ADAMTS20: variants seen among roughly 807,000 people sequenced by gnomAD.
The protein encoded by ADAMTS20 is A disintegrin and metalloproteinase with thrombospondin motifs 20.
A neutral mutation model predicts 260.1 loss-of-function variants in ADAMTS20; 225 were observed. The ratio of observed to expected loss-of-function variants is 0.87; its 90% CI spans 0.78 to 0.97. The LOEUF is 0.97. Among genes scored for constraint, ADAMTS20 ranks in the 50% least tolerant of loss-of-function variants. ADAMTS20 has a pLI of 0.00. For missense variants in ADAMTS20, 2,400 were observed against 2,337.7 expected, an observed-to-expected ratio of 1.03 and a Z score of -0.55; for synonymous variants, 802 against 769.5, an observed-to-expected ratio of 1.04 and a Z score of -0.70.
At chr12:43,429,427 C>A (rs890894497) in intron 24 of ADAMTS20, among the ~76,000 whole-genome samples, 190 bp downstream of exon 24, 1 of 152,108 alleles carries the variant, frequency 6.6e-6, no homozygotes, top group Non-Finnish European at 1.5e-5. Flanking sequence ...ATTTCTTGTC[C>A]AGAGACACAG....
chr12:43,398,927 AACTT>A (rs1263310723), intron 29 of ADAMTS20, 135 bp downstream of exon 29: 5 of 449,586 alleles, frequency 1.1e-5, no homozygotes, highest in African/African-American at 4.1e-5. Context: ...TATTAATACT[AACTT>A]ACAGCATAGT....
At chr12:43,394,801 C>T (rs75021646) in intron 29 of ADAMTS20, among the ~76,000 whole-genome samples, 3 of 152,066 alleles carry the variant, frequency 2.0e-5, no homozygotes, top group East Asian at 1.9e-4. Flanking sequence ...CAAATCCCTG[C>T]CCCCAACATT....
chr12:43,531,488 T>C (rs967443066), intron 3 of ADAMTS20, among the ~76,000 whole-genome samples: 3 of 152,134 alleles, frequency 2.0e-5, no homozygotes, highest in African/African-American at 7.2e-5. Context: ...AAATCTCTCA[T>C]GCATCCATAC....
chr12:43,532,286 G>A, intron 2 of ADAMTS20, 91 bp from the exon 3 acceptor site: 1 of 1,130,492 alleles, frequency 8.8e-7, no homozygotes, highest in Admixed American at 2.4e-5. Flanking sequence ...GCAGACAGAA[G>A]CAAAACAGCA....
intron 28 of ADAMTS20, among the ~76,000 whole-genome samples, chr12:43,402,754 C>T (rs1163998408): frequency 3.3e-5 from 5 of 152,044 alleles, no homozygotes; most frequent in South Asian, 2.1e-4. Flanking sequence ...CTGACACCAT[C>T]ATAGTCTTGA....
At chr12:43,380,322 T>C (rs1163085866) in intron 31 of ADAMTS20, among the ~76,000 whole-genome samples, 1 of 152,084 alleles carries the variant, frequency 6.6e-6, no homozygotes, top group Admixed American at 6.6e-5. Context: ...AGAAAATCCA[T>C]AGTTAGCATA....
At chr12:43,498,096 A>C (rs983120507) in intron 4 of ADAMTS20, among the ~76,000 whole-genome samples, 4 of 152,168 alleles carry the variant, frequency 2.6e-5, no homozygotes, top group African/African-American at 9.6e-5. Context: ...ATAACAGCTG[A>C]GTATCTCTGC....
chr12:43,386,832 C>T (rs1940489837), intron 29 of ADAMTS20, among the ~76,000 whole-genome samples: 1 of 152,164 alleles, frequency 6.6e-6, no homozygotes, highest in African/African-American at 2.4e-5. Context: ...TTTTTCAGCT[C>T]CATCAGGTCA....
chr12:43,513,063 A>G (rs1942947233), intron 3 of ADAMTS20, among the ~76,000 whole-genome samples: 1 of 152,202 alleles, frequency 6.6e-6, no homozygotes, highest in Non-Finnish European at 1.5e-5. Flanking sequence ...ATTTGGATAT[A>G]AAGGCTTTTG....
intron 3 of ADAMTS20, among the ~76,000 whole-genome samples, chr12:43,528,151 A>C (rs546821484): frequency 2.0e-5 from 3 of 151,940 alleles, no homozygotes; most frequent in Non-Finnish European, 4.4e-5. Flanking sequence ...GAAAGATCTC[A>C]ACAAGAACTA....
chr12:43,479,904 C>A (rs1942415997), intron 7 of ADAMTS20, among the ~76,000 whole-genome samples: 1 of 151,950 alleles, frequency 6.6e-6, no homozygotes, highest in African/African-American at 2.4e-5. Flanking sequence ...AACAATATTT[C>A]AGTGAATTGA....
intron 4 of ADAMTS20, among the ~76,000 whole-genome samples, chr12:43,501,481 G>GCGCGCGCACACACACACACACA (rs373746834): frequency 2.9e-4 from 34 of 117,850 alleles, no homozygotes; most frequent in East Asian, 1.1e-3. Context: ...GCGCGCGCGC[G>GCGCGCGCACACACACACACACA]CACACACACA....
In ADAMTS20 at chr12:43,449,588, C is replaced by T. The variant is rs560529725; in HGVS notation, c.2079+2686G>A. Among the ~76,000 whole-genome samples, 11 of 151,914 alleles carry T rather than the reference C, an allele frequency of 7.2e-5. No individual in the cohort carries two copies. The South Asian group carries it at 1.0e-3, about 14-fold the overall frequency. On this transcript the variant is annotated intron_variant, in intron 14 of 38. Transcript: ENST00000389420. ...ATCTGTACAACAAAACCCTGTTACA[C>T]GAGTTTACCTGTATAAAAAACTTGC...
chr12:43,487,076 T>G (rs1942532585), intron 7 of ADAMTS20, among the ~76,000 whole-genome samples: 1 of 152,172 alleles, frequency 6.6e-6, no homozygotes, highest in African/African-American at 2.4e-5. Flanking sequence ...CTACTGGGTA[T>G]TTACCCAAAG....
intron 2 of ADAMTS20, among the ~76,000 whole-genome samples, chr12:43,540,359 T>C (rs1487257094): frequency 6.6e-6 from 1 of 152,204 alleles, no homozygotes; most frequent in Non-Finnish European, 1.5e-5. Context: ...AAAAATGTTG[T>C]CTTTATAACT....
intron 10 of ADAMTS20, among the ~76,000 whole-genome samples, chr12:43,463,370 G>A (rs967373588): frequency 2.6e-5 from 4 of 152,012 alleles, no homozygotes; most frequent in Non-Finnish European, 2.9e-5. Context: ...TGATACAATA[G>A]TGGAATGTAT....
At chr12:43,441,065 CAA>C (rs74514544) in intron 16 of ADAMTS20, among the ~76,000 whole-genome samples, 7 of 82,282 alleles carry the variant, frequency 8.5e-5, no homozygotes, top group Admixed American at 1.2e-4. Flanking sequence ...ACTCCGTCTC[CAA>C]AAAAAAAAAA....
chr12:43,437,357 T>C (rs1355524522), intron 18 of ADAMTS20, among the ~76,000 whole-genome samples: 2 of 152,134 alleles, frequency 1.3e-5, no homozygotes, highest in East Asian at 1.9e-4. Context: ...TCTAAGAACA[T>C]GATAAATTTC....
intron 38 of ADAMTS20, 23 bp downstream of exon 38, chr12:43,356,461 C>T: frequency 6.6e-7 from 1 of 1,509,144 alleles, no homozygotes; most frequent in Non-Finnish European, 9.1e-7. Flanking sequence ...TTCAAACAGG[C>T]TTTTTGGTCC....
Sources: gnomAD v4.1 joint callset for allele counts (sites outside exome capture counted in the v4.1 genomes callset) on GRCh38, gnomAD v4.1.1 for gene constraint, MANE v1.5 for transcripts, NCBI Gene and HGNC (gene_info 2026-07-23, HGNC 2026-07-21) for gene names.